Variants in RYR2 observed in about 807,000 individuals in gnomAD.
RYR2 encodes cardiac muscle ryanodine receptor-calcium release channel.
A neutral mutation model predicts 601.1 loss-of-function variants in RYR2; 227 were observed. The ratio of observed to expected loss-of-function variants is 0.38; its 90% CI spans 0.34 to 0.42. The LOEUF is 0.42. RYR2 is among the 10% of genes least tolerant of loss of function. RYR2 has a pLI of 1.00. For synonymous variants in RYR2, 2,223 were observed against 2,175.1 expected, an observed-to-expected ratio of 1.02 and a Z score of -0.61; for missense variants, 4,646 against 6,156.5, an observed-to-expected ratio of 0.75 and a Z score of 8.21.
chr1:237,504,039 C>T (rs1664948799), intron 22 of RYR2, among the ~76,000 whole-genome samples: 1 of 152,132 alleles, frequency 6.6e-6, no homozygotes, highest in Admixed American at 6.5e-5. Context: ...TTTTCCCAAC[C>T]CAATAAACTG....
intron 27 of RYR2, among the ~76,000 whole-genome samples, chr1:237,558,568 A>G (rs1671139249): frequency 6.6e-6 from 1 of 152,132 alleles, no homozygotes; most frequent in Non-Finnish European, 1.5e-5. Flanking sequence ...GAACAGTTTG[A>G]TTATGATGTG....
chr1:237,803,090 T>A (rs180996154), intron 98 of RYR2, among the ~76,000 whole-genome samples: 2 of 152,194 alleles, frequency 1.3e-5, no homozygotes, highest in African/African-American at 2.4e-5. Context: ...TAAATGTAAA[T>A]TTTAGATAAG....
At chr1:237,624,859 C>T (rs145732418) in intron 39 of RYR2, among the ~76,000 whole-genome samples, 33 of 152,080 alleles carry the variant, frequency 2.2e-4, no homozygotes, top group East Asian at 1.9e-3. Context: ...CTGGTTTAAC[C>T]GGTGGTTATC....
At chr1:237,379,726 C>T (rs1487711057) in intron 8 of RYR2, among the ~76,000 whole-genome samples, 1 of 152,176 alleles carries the variant, frequency 6.6e-6, no homozygotes, top group African/African-American at 2.4e-5. Flanking sequence ...CTCCTATTCT[C>T]CCCAGTCAGC....
intron 29 of RYR2, among the ~76,000 whole-genome samples, chr1:237,587,683 G>A (rs1305556368): frequency 1.3e-5 from 2 of 152,138 alleles, no homozygotes; most frequent in African/African-American, 2.4e-5. Flanking sequence ...TGTAAACATA[G>A]CTATGGGGAA....
chr1:237,381,506 A>G (rs1249497221), intron 8 of RYR2, among the ~76,000 whole-genome samples: 1 of 152,220 alleles, frequency 6.6e-6, no homozygotes, highest in Non-Finnish European at 1.5e-5. Flanking sequence ...CATTGATTTT[A>G]CAACTCCTTG....
At chr1:237,531,612 T>G (rs921722777) in intron 25 of RYR2, among the ~76,000 whole-genome samples, 2 of 152,194 alleles carry the variant, frequency 1.3e-5, no homozygotes, top group African/African-American at 4.8e-5. Context: ...ATTGTGCTTT[T>G]GCTGTGCAAA....
At chr1:237,075,217 T>TA (rs1405751835) in intron 1 of RYR2, among the ~76,000 whole-genome samples, 3 of 152,126 alleles carry the variant, frequency 2.0e-5, no homozygotes, top group Non-Finnish European at 2.9e-5. Flanking sequence ...TCTCTATGCT[T>TA]AGAGGGGGAA....
rs142213295 is a variant in RYR2, at chr1:237,637,875, C to A, written c.6793-482C>A. On this transcript the variant is annotated intron_variant, in intron 44 of 104. Coordinates refer to ENST00000366574, the MANE Select transcript of RYR2 (RefSeq NM_001035.3). ...TGGCCCACCCAGACAGACTTGGTTGCCCTGTCTGACAAGGAATTGCGGGTG... is the reference window on the plus strand; with the variant it reads ...TGGCCCACCCAGACAGACTTGGTTGACCTGTCTGACAAGGAATTGCGGGTG... Among the ~76,000 whole-genome samples the A allele has an allele frequency of 4.0e-3, 609 of 152,144 alleles. 1 individual carries two copies. The highest frequency in any genetic ancestry group is 0.022 in the East Asian group (114 of 5,174).
At position 237,725,972 on chromosome 1, in the gene RYR2, C is replaced by A. The variant is rs115517613; in HGVS notation, c.10690-301C>A. ...CATTGAAAACTATTGCCCTTGATTG[C>A]TTTTACTTCTATGTTAAAGGCCTAA... On this transcript the variant is annotated intron_variant, in intron 74 of 104. Coordinates refer to ENST00000366574, the MANE Select transcript of RYR2 (RefSeq NM_001035.3). Among the ~76,000 whole-genome samples the A allele has an allele frequency of 6.3e-3, 955 of 152,052 alleles. 12 individuals carry two copies. Among genetic ancestry groups the A allele is most frequent in the African/African-American group, 0.022 (905 of 41,506 alleles).
At chr1:237,219,972 T>C (rs531137508) in intron 1 of RYR2, among the ~76,000 whole-genome samples, 108 of 152,344 alleles carry the variant, frequency 7.1e-4, no homozygotes, top group African/African-American at 2.5e-3. Flanking sequence ...ATACCTGTCA[T>C]GTGCATGCAA....
chr1:237,196,790 C>T (rs1370387318), intron 1 of RYR2, among the ~76,000 whole-genome samples: 2 of 152,248 alleles, frequency 1.3e-5, no homozygotes, highest in East Asian at 3.9e-4. Context: ...ATCAGCTTGT[C>T]AAAGTCTGTA....
At chr1:237,511,648 A>C in intron 23 of RYR2, 40 bp from the exon 24 acceptor site, 2 of 1,448,134 alleles carry the variant, frequency 1.4e-6, no homozygotes, top group Non-Finnish European at 1.9e-6. Context: ...AGTGCCTGGC[A>C]TTGGAGACTA....
At chr1:237,355,903 T>A (rs948361302) in intron 3 of RYR2, 62 bp from the exon 4 acceptor site, 2 of 1,399,554 alleles carry the variant, frequency 1.4e-6, no homozygotes, top group Admixed American at 3.9e-5. Context: ...TAAATGACAG[T>A]AATTGAAACA....
At chr1:237,053,239 G>A (rs769435039) in intron 1 of RYR2, among the ~76,000 whole-genome samples, 3 of 152,216 alleles carry the variant, frequency 2.0e-5, no homozygotes, top group Non-Finnish European at 4.4e-5. Flanking sequence ...GCCCACAGCT[G>A]GGAGTCATGA....
chr1:237,702,069 T>C lies in RYR2; in HGVS notation c.9449+10T>C, dbSNP rs776006201. 1 of 1,493,502 alleles carries C rather than the reference T, an allele frequency of 6.7e-7. No homozygotes were observed. The highest frequency in any genetic ancestry group is 2.3e-5 in the East Asian group (1 of 44,212). 92.5% of individuals were successfully genotyped at this position (1,493,502 alleles called of 1,614,324 possible). A position where few individuals can be genotyped will look rare whatever the true frequency, so the allele number is the denominator to read the frequency against. ...GTATTTACGTGGAGAGGTAAGAATGTTTAAAGTTTAACTTTGTATTAATTG... is the reference window on the plus strand; with the variant it reads ...GTATTTACGTGGAGAGGTAAGAATGCTTAAAGTTTAACTTTGTATTAATTG... On this transcript the variant is annotated intron_variant, in intron 66 of 104. Coordinates refer to ENST00000366574, the MANE Select transcript of RYR2 (RefSeq NM_001035.3).
At chr1:237,101,908 A>G (rs546165710) in intron 1 of RYR2, among the ~76,000 whole-genome samples, 2 of 152,348 alleles carry the variant, frequency 1.3e-5, no homozygotes, top group East Asian at 3.9e-4. Context: ...GATTATTCCT[A>G]CGTTTATGAT....
At chr1:237,809,557 GTC>G (rs1235664458) in intron 100 of RYR2, among the ~76,000 whole-genome samples, 1 of 152,172 alleles carries the variant, frequency 6.6e-6, no homozygotes, top group East Asian at 1.9e-4. Context: ...TCTACAACCT[GTC>G]TCTCTAATAT....
chr1:237,639,344 G>A, intron 46 of RYR2, 143 bp downstream of exon 46: 1 of 835,984 alleles, frequency 1.2e-6, no homozygotes, highest in South Asian at 2.7e-5. Context: ...TCTTAGATTT[G>A]GAAGAATGAA....
Sources: gnomAD v4.1 joint callset for allele counts (sites outside exome capture counted in the v4.1 genomes callset) on GRCh38, gnomAD v4.1.1 for gene constraint, MANE v1.5 for transcripts, NCBI Gene and HGNC (gene_info 2026-07-23, HGNC 2026-07-21) for gene names.